The following USH2A variants were observed in gnomAD, a reference collection of about 807,000 sequenced individuals.
USH2A encodes the protein Usher syndrome 2A (autosomal recessive, mild).
In USH2A, 443 loss-of-function variants were observed where a neutral mutation model predicts 538.9. That is an observed-to-expected ratio of 0.82 (90% CI 0.76 to 0.89). The LOEUF (loss-of-function observed/expected upper bound fraction) is 0.89, where lower values mean the gene tolerates loss of function less well. USH2A is among the 40% of genes least tolerant of loss of function. The pLI is 0.00. For missense variants in USH2A, 6,633 were observed against 6,324.8 expected (o/e 1.05, Z -1.65); for synonymous variants, 2,413 against 2,273.5 (o/e 1.06, Z -1.75).
chr1:216,299,531 T>A (rs971145955), intron 9 of USH2A, among the ~76,000 whole-genome samples: 1 of 152,118 alleles, frequency 6.6e-6, no homozygotes, highest in Non-Finnish European at 1.5e-5. Flanking sequence ...GTGGTAGGTT[T>A]ACAGATAAAG....
At chr1:215,911,312 T>C (rs1665775044) in intron 38 of USH2A, among the ~76,000 whole-genome samples, 2 of 151,872 alleles carry the variant, frequency 1.3e-5, no homozygotes, top group Admixed American at 1.3e-4. Flanking sequence ...ATTCATTCTA[T>C]TTTTTTAACC....
chr1:216,073,761 C>T (rs2031651643), intron 27 of USH2A, among the ~76,000 whole-genome samples: 1 of 152,208 alleles, frequency 6.6e-6, no homozygotes, highest in African/African-American at 2.4e-5. Context: ...GGGAAAAATA[C>T]ACTCTGAGCA....
intron 3 of USH2A, among the ~76,000 whole-genome samples, chr1:216,375,886 G>A (rs1430146363): frequency 6.6e-6 from 1 of 152,038 alleles, no homozygotes; most frequent in East Asian, 1.9e-4. Context: ...ATATTGTTGT[G>A]TCTCAGGGAA....
chr1:215,944,760 A>G (rs1666717294), intron 37 of USH2A, among the ~76,000 whole-genome samples: 1 of 152,122 alleles, frequency 6.6e-6, no homozygotes, highest in African/African-American at 2.4e-5. Flanking sequence ...TTACTATTTT[A>G]ACTCCTTCTA....
chr1:215,747,340 A>T (rs1558080500), intron 58 of USH2A, among the ~76,000 whole-genome samples: 1 of 152,236 alleles, frequency 6.6e-6, no homozygotes, highest in East Asian at 1.9e-4. Context: ...TGCCTAAAAA[A>T]TAACTTTATT....
chr1:216,360,902 A>T (rs2038479235), intron 4 of USH2A, among the ~76,000 whole-genome samples: 1 of 152,144 alleles, frequency 6.6e-6, no homozygotes, highest in Non-Finnish European at 1.5e-5. Flanking sequence ...TCTCAACAGA[A>T]TTTTTTATGA....
chr1:216,328,841 T>C (rs2037789574), intron 4 of USH2A, among the ~76,000 whole-genome samples: 1 of 152,008 alleles, frequency 6.6e-6, no homozygotes, highest in Non-Finnish European at 1.5e-5. Flanking sequence ...TATATTTGTG[T>C]ATATTCATAT....
intron 36 of USH2A, among the ~76,000 whole-genome samples, chr1:215,966,860 T>C (rs1667359984): frequency 6.6e-6 from 1 of 152,222 alleles, no homozygotes; most frequent in Non-Finnish European, 1.5e-5. Flanking sequence ...CAGATAATTA[T>C]ATTATAATCC....
intron 14 of USH2A, among the ~76,000 whole-genome samples, chr1:216,229,858 T>A (rs892308916): frequency 1.1e-4 from 17 of 151,912 alleles, no homozygotes; most frequent in African/African-American, 2.4e-5. Flanking sequence ...GGGTAGATAA[T>A]GGGAGAGGAA....
rs928117806 is a variant in USH2A at position 215,965,597 on chromosome 1, A to G, written c.6958-118T>C. On this transcript the variant is annotated intron_variant, in intron 36 of 71. Coordinates refer to ENST00000307340, the MANE Select transcript of USH2A (RefSeq NM_206933.4). Reference sequence around the variant, plus strand: ...TGAAGTAAACTATTTTGACAGTAGCATCTTGTATGAATACCTCATTTTGTC... The same window carrying G: ...TGAAGTAAACTATTTTGACAGTAGCGTCTTGTATGAATACCTCATTTTGTC... 4.3e-6 allele frequency: 5 copies of G among 1,166,960 alleles called. No individual in the cohort carries two copies. The African/African-American group carries it at 4.7e-5, about 11-fold the overall frequency. 72.3% of individuals were successfully genotyped at this position (1,166,960 alleles called of 1,614,324 possible).
intron 11 of USH2A, among the ~76,000 whole-genome samples, chr1:216,288,685 C>T (rs2102605311): frequency 6.6e-6 from 1 of 152,242 alleles, no homozygotes; most frequent in African/African-American, 2.4e-5. Flanking sequence ...GGAAAAACTT[C>T]AGCTTCAATA....
rs1314217743 is a variant in USH2A, at chr1:215,674,622, G to T, written c.13289C>A (p.Thr4430Lys). 1 of 1,614,146 alleles carries T rather than the reference G, an allele frequency of 6.2e-7. No individual in the cohort carries two copies. ...CCAGGCAGATTTTGACACACTAGCT[G>T]TGCAACCTCCATTCGTGCAGGCTAC... The part of the protein sequence containing the change: ...SLVACTNGGC[T>K]ASVSKSAWTM... Residue 4430 changes from threonine to lysine, a missense_variant, in exon 63 of 72, where the codon ACA becomes AAA. Thr to Lys is a moderately conservative substitution (Grantham distance 78, BLOSUM62 -1). Transcript: ENST00000307340.
In USH2A at chr1:216,325,337, T is replaced by C; in HGVS notation, c.1111A>G (p.Ile371Val). ...NITQLNQGVT[I>V]SVDLENGQYQ... ...TGTCCATTTTCCAAATCAACTGAAA[T>C]AGTCACTCCTTGATTAAGCTGTGTA... The change falls in exon 6 of 72, where the codon ATT becomes GTT. Residue 371 changes from isoleucine to valine, a missense_variant. Physicochemically the swap from Ile to Val is conservative, Grantham distance 29 (BLOSUM62 3). Coordinates refer to ENST00000307340, the MANE Select transcript of USH2A (RefSeq NM_206933.4). 1 of 1,613,804 alleles carries C rather than the reference T, an allele frequency of 6.2e-7. No individual in the cohort carries two copies. The highest frequency in any genetic ancestry group is 8.5e-7 in the Non-Finnish European group (1 of 1,179,808).
At chr1:216,381,788 G>A (rs1344770311) in intron 3 of USH2A, among the ~76,000 whole-genome samples, 1 of 152,018 alleles carries the variant, frequency 6.6e-6, no homozygotes, top group African/African-American at 2.4e-5. Flanking sequence ...AGTCTTCAAG[G>A]GATTGGTTCC....
intron 61 of USH2A, among the ~76,000 whole-genome samples, chr1:215,691,738 C>A (rs1327524634): frequency 2.6e-5 from 4 of 152,158 alleles, no homozygotes; most frequent in Non-Finnish European, 5.9e-5. Flanking sequence ...CTCTCTAAAC[C>A]CCAAATGCCT....
At chr1:216,299,108 C>T (rs138161983) in intron 9 of USH2A, among the ~76,000 whole-genome samples, 1,671 of 152,160 alleles carry the variant, frequency 0.011, 29 homozygotes, top group East Asian at 0.036. Flanking sequence ...TCCCAAAGTG[C>T]TAGGTTTACA....
At chr1:215,729,404 C>A (rs1659926568) in intron 60 of USH2A, among the ~76,000 whole-genome samples, 1 of 152,118 alleles carries the variant, frequency 6.6e-6, no homozygotes, top group Non-Finnish European at 1.5e-5. Context: ...ACAATCTTTT[C>A]TTATACATCA....
intron 64 of USH2A, among the ~76,000 whole-genome samples, chr1:215,669,742 A>C (rs960494301): frequency 3.9e-5 from 6 of 152,196 alleles, no homozygotes; most frequent in Non-Finnish European, 2.9e-5. Flanking sequence ...ATTTTTCCAA[A>C]CCATTCGAGA....
chr1:215,676,262 G>T (rs1028320931), intron 62 of USH2A, among the ~76,000 whole-genome samples: 9 of 152,184 alleles, frequency 5.9e-5, no homozygotes, highest in Admixed American at 2.6e-4. Flanking sequence ...GGCCATGGAA[G>T]AACTGATTGC....
Sources: allele counts gnomAD v4.1 joint callset (sites outside exome capture counted in the v4.1 genomes callset), GRCh38; gene constraint gnomAD v4.1.1; transcripts MANE v1.5; gene names NCBI Gene and HGNC (gene_info 2026-07-23, HGNC 2026-07-21).